CYP4X1: variants seen among roughly 807,000 people sequenced by gnomAD.
The protein encoded by CYP4X1 is cytochrome P450 4X1.
A neutral mutation model predicts 57.9 loss-of-function variants in CYP4X1; 44 were observed. The ratio of observed to expected loss-of-function variants is 0.76; its 90% CI spans 0.60 to 0.98. The LOEUF (loss-of-function observed/expected upper bound fraction) is 0.98. CYP4X1 is among the 50% of genes least tolerant of loss of function. CYP4X1 has a pLI of 0.00. For missense variants in CYP4X1, 532 were observed against 623.9 expected (o/e 0.85, Z 1.57); for synonymous variants, 227 against 228.6 (o/e 0.99, Z 0.06).
chr1:46,985,232 G>T, the CYP4X1 span, among the ~76,000 whole-genome samples: 1 of 152,186 alleles, frequency 6.6e-6, no homozygotes, highest in South Asian at 2.1e-4. Flanking sequence ...GGAAGCTGAG[G>T]CAGGAGAATG....
At chr1:46,966,534 T>G in the CYP4X1 span, among the ~76,000 whole-genome samples, 1 of 152,180 alleles carries the variant, frequency 6.6e-6, no homozygotes, top group South Asian at 2.1e-4. Context: ...TCTTTGGCTC[T>G]GTGCCACTTC....
chr1:47,003,597 G>A, the CYP4X1 span, among the ~76,000 whole-genome samples: 127 of 152,272 alleles, frequency 8.3e-4, no homozygotes, highest in Middle Eastern at 6.8e-3. Context: ...TTTTACTCAT[G>A]TCATAAGGCA....
chr1:47,020,898 T>A (rs1569594753), upstream of CYP4X1, among the ~76,000 whole-genome samples: 1 of 152,210 alleles, frequency 6.6e-6, no homozygotes, highest in Middle Eastern at 3.4e-3. Context: ...ATGCTTTTCT[T>A]TGGGCTGTGT....
the CYP4X1 span, among the ~76,000 whole-genome samples, chr1:46,965,648 C>T: frequency 6.6e-6 from 1 of 152,236 alleles, no homozygotes; most frequent in African/African-American, 2.4e-5. Flanking sequence ...CACCTGGAAA[C>T]CCCTGTTGGG....
At chr1:46,994,488 C>A in the CYP4X1 span, 1 of 159,906 alleles carries the variant, frequency 6.3e-6, no homozygotes, top group Non-Finnish European at 1.4e-5. Flanking sequence ...TGGGGTTCAG[C>A]ACAGAGACAC....
the CYP4X1 span, among the ~76,000 whole-genome samples, chr1:46,989,350 G>C: frequency 3.9e-5 from 6 of 152,086 alleles, no homozygotes; most frequent in Non-Finnish European, 8.8e-5. Context: ...CAAGGGATGT[G>C]AAGGACCTCT....
At chr1:47,035,778 T>C in intron 4 of CYP4X1, 28 bp from the exon 5 acceptor site, 1 of 1,599,878 alleles carries the variant, frequency 6.3e-7, no homozygotes, top group Non-Finnish European at 8.5e-7. Flanking sequence ...GTGGTGGTGA[T>C]GATGTTGGTC....
the CYP4X1 span, among the ~76,000 whole-genome samples, chr1:46,974,083 C>T: frequency 6.6e-6 from 1 of 152,080 alleles, no homozygotes; most frequent in Non-Finnish European, 1.5e-5. Context: ...CTCAACAGTG[C>T]TTTAGCTGTG....
chr1:47,012,955 A>AT, the CYP4X1 span, among the ~76,000 whole-genome samples: 20 of 151,686 alleles, frequency 1.3e-4, no homozygotes, highest in South Asian at 3.8e-3. Flanking sequence ...ACATTTAAAC[A>AT]TTTTTTTTCC....
chr1:47,009,828 C>T, the CYP4X1 span, among the ~76,000 whole-genome samples: 1 of 152,172 alleles, frequency 6.6e-6, no homozygotes, highest in East Asian at 1.9e-4. Flanking sequence ...GGATAAATTC[C>T]TCGACACATA....
intron 6 of CYP4X1, among the ~76,000 whole-genome samples, chr1:47,038,171 G>A (rs2148511108): frequency 6.6e-6 from 1 of 152,200 alleles, no homozygotes; most frequent in African/African-American, 2.4e-5. Flanking sequence ...TATTACCCAT[G>A]TAACAAACCT....
At chr1:46,984,912 C>A in the CYP4X1 span, among the ~76,000 whole-genome samples, 1 of 152,324 alleles carries the variant, frequency 6.6e-6, no homozygotes, top group Non-Finnish European at 1.5e-5. Flanking sequence ...TGGTCTAGGT[C>A]AGTGGATCCC....
the CYP4X1 span, among the ~76,000 whole-genome samples, chr1:47,018,313 G>A: frequency 1.3e-5 from 2 of 152,230 alleles, no homozygotes; most frequent in East Asian, 1.9e-4. Flanking sequence ...CTTTTGTTAC[G>A]TTCCAGCCTT....
Position 47,050,185 on chromosome 1 carries a change from A to G in CYP4X1, c.*11A>G. 1 of 1,613,398 alleles carries G rather than the reference A, an allele frequency of 6.2e-7. No individual in the cohort carries two copies. Among genetic ancestry groups the G allele is most frequent in the Non-Finnish European group, 8.5e-7 (1 of 1,179,670 alleles). ...CTCTCTGAATGTTAGATCTCAGGGTACAATGATTAAACGTACTTTGTTTTT... is the reference window on the plus strand; with the variant it reads ...CTCTCTGAATGTTAGATCTCAGGGTGCAATGATTAAACGTACTTTGTTTTT... On this transcript the variant is annotated 3_prime_UTR_variant, in exon 12 of 12. Transcript: ENST00000371901.
the CYP4X1 span, among the ~76,000 whole-genome samples, chr1:46,983,589 C>T: frequency 1.2e-4 from 19 of 152,164 alleles, no homozygotes; most frequent in Non-Finnish European, 2.2e-4. Flanking sequence ...AGACCCAGGT[C>T]GGGAAAACCT....
At chr1:47,051,840 A>G (rs1281373185), downstream of CYP4X1, among the ~76,000 whole-genome samples, 1 of 152,194 alleles carries the variant, frequency 6.6e-6, no homozygotes, top group Non-Finnish European at 1.5e-5. Flanking sequence ...AATAAATTAC[A>G]AACATCAATA....
At chr1:47,039,023 G>A (rs912126425) in intron 7 of CYP4X1, among the ~76,000 whole-genome samples, 1 of 151,992 alleles carries the variant, frequency 6.6e-6, no homozygotes, top group Non-Finnish European at 1.5e-5. Context: ...TGGATTTTAG[G>A]GCATCATGAA....
chr1:47,046,603 C>G lies in CYP4X1; in HGVS notation c.1207+3C>G, dbSNP rs371034972. Reference sequence around the variant, plus strand: ...AGATGGATGCACATTGCCTGCAGGTCTTTACATTCTTTTCCTAAGCAGTTC... The same window carrying G: ...AGATGGATGCACATTGCCTGCAGGTGTTTACATTCTTTTCCTAAGCAGTTC... On this transcript the variant is annotated splice_donor_region_variant and intron_variant, in intron 9 of 11. Coordinates refer to ENST00000371901, the MANE Select transcript of CYP4X1 (RefSeq NM_178033.2). The G allele has an allele frequency of 5.6e-6, 9 of 1,613,944 alleles. No individual in the cohort carries two copies. The African/African-American group carries it at 1.1e-4, about 19-fold the overall frequency.
At chr1:47,048,778 C>T in intron 10 of CYP4X1, 149 bp downstream of exon 10, 1 of 782,498 alleles carries the variant, frequency 1.3e-6, no homozygotes, top group South Asian at 1.8e-5. Context: ...AAATGTAAAA[C>T]TATTCTATGT....
Sources: allele counts gnomAD v4.1 joint callset (sites outside exome capture counted in the v4.1 genomes callset), GRCh38; gene constraint gnomAD v4.1.1; transcripts MANE v1.5; gene names NCBI Gene and HGNC (gene_info 2026-07-23, HGNC 2026-07-21).